The following MRTFA variants were observed in gnomAD, a reference collection of about 807,000 sequenced individuals.
MRTFA encodes myocardin-related transcription factor A.
MRTFA carries 20 observed loss-of-function variants against 83.5 expected under a neutral mutation model. The ratio of observed to expected loss-of-function variants is 0.24; its 90% CI spans 0.17 to 0.35. The LOEUF (loss-of-function observed/expected upper bound fraction) is 0.35. Among genes scored for constraint, MRTFA ranks in the 10% least tolerant of loss-of-function variants. The pLI, the probability that MRTFA is intolerant of heterozygous loss-of-function variation, is 1.00. For synonymous variants in MRTFA, 659 were observed against 541.2 expected (o/e 1.22, Z -3.02); for missense variants, 1,200 against 1,224.7 (o/e 0.98, Z 0.30).
chr22:40,591,166 G>A (rs1295511339), intron 2 of MRTFA, among the ~76,000 whole-genome samples: 1 of 151,308 alleles, frequency 6.6e-6, no homozygotes, highest in Admixed American at 6.6e-5. Context: ...AATAGCAAAT[G>A]AAGTGAACAG....
At chr22:40,551,502 G>C (rs538215397) in intron 3 of MRTFA, among the ~76,000 whole-genome samples, 1 of 152,052 alleles carries the variant, frequency 6.6e-6, no homozygotes, top group South Asian at 2.1e-4. Flanking sequence ...CCAGTAGCTG[G>C]GTCTACAAGT....
At chr22:40,439,627 T>C (rs2053237614) in intron 4 of MRTFA, among the ~76,000 whole-genome samples, 1 of 148,594 alleles carries the variant, frequency 6.7e-6, no homozygotes, top group African/African-American at 2.5e-5. Flanking sequence ...CCAGGCAACA[T>C]ACAAGAGTCA....
intron 3 of MRTFA, among the ~76,000 whole-genome samples, chr22:40,535,586 C>G (rs947671620): frequency 6.6e-6 from 1 of 152,072 alleles, no homozygotes; most frequent in Admixed American, 6.5e-5. Context: ...CTCCTAAGCT[C>G]AAGTGATCCC....
chr22:40,543,622 T>G (rs1036631632), intron 3 of MRTFA, among the ~76,000 whole-genome samples: 1 of 152,198 alleles, frequency 6.6e-6, no homozygotes, highest in Non-Finnish European at 1.5e-5. Context: ...AGGCAACATT[T>G]ACAATCTCAT....
At position 40,435,538 on chromosome 22, in the gene MRTFA, G is replaced by A. The variant is rs202073037; in HGVS notation, c.324C>T (p.Ala108=). The A allele has an allele frequency of 1.7e-4, 277 of 1,614,118 alleles. 2 individuals are homozygous for A. The highest frequency in any genetic ancestry group is 9.9e-5 in the South Asian group (9 of 91,078). The stretch of plus-strand genomic sequence containing the variant: ...AGCTCCTTCTCTGCTCATGAAATGC[G>A]GCTGGACTTTTCAAAGCTGTTGAGA... Residue 108 remains alanine (A), a synonymous_variant, in exon 5 of 15, where the codon GCC becomes GCT. Coordinates refer to ENST00000355630, the MANE Select transcript of MRTFA (RefSeq NM_020831.6).
intron 12 of MRTFA, among the ~76,000 whole-genome samples, chr22:40,417,956 G>A (rs1422671153): frequency 6.6e-6 from 1 of 152,178 alleles, no homozygotes; most frequent in African/African-American, 2.4e-5. Context: ...ACCTTGGTGG[G>A]GACAGCTAGC....
rs1387260497 is a variant in MRTFA, at chr22:40,471,232, A to C, written c.242-7946T>G. Among the ~76,000 whole-genome samples the C allele has an allele frequency of 2.1e-4, 31 of 145,744 alleles. No individual in the cohort carries two copies. The South Asian group carries it at 2.6e-3, about 12-fold the overall frequency. On this transcript the variant is annotated intron_variant, in intron 3 of 14. Transcript: ENST00000355630. ...CCCTGTTTCTATTAAAAAAAAAAAA[A>C]AAAAAAAAAAAAAAACAAGAATTAG...
chr22:40,502,132 G>A (rs2054495922), intron 3 of MRTFA, among the ~76,000 whole-genome samples: 2 of 144,030 alleles, frequency 1.4e-5, no homozygotes, highest in African/African-American at 2.6e-5. Context: ...TCACCTCCCG[G>A]ACGGGGCGGC....
chr22:40,423,734 G>A (rs1265118335), intron 8 of MRTFA, 49 bp from the exon 9 acceptor site: 7 of 1,471,618 alleles, frequency 4.8e-6, no homozygotes, highest in Non-Finnish European at 6.4e-6. Context: ...CAGGTAGGGT[G>A]TGCCCAGCCT....
chr22:40,586,252 C>A (rs897841135), intron 2 of MRTFA, among the ~76,000 whole-genome samples: 4 of 145,542 alleles, frequency 2.7e-5, no homozygotes, highest in African/African-American at 5.1e-5. Flanking sequence ...CAAACAAATA[C>A]ATCATTTGCT....
chr22:40,502,998 A>AC (rs2054521959), intron 3 of MRTFA, among the ~76,000 whole-genome samples: 1 of 151,950 alleles, frequency 6.6e-6, no homozygotes, highest in Non-Finnish European at 1.5e-5. Flanking sequence ...CTTCCCCAAT[A>AC]CACCCACACA....
At chr22:40,632,025 T>C (rs1265082064) in intron 1 of MRTFA, among the ~76,000 whole-genome samples, 1 of 152,188 alleles carries the variant, frequency 6.6e-6, no homozygotes, top group South Asian at 2.1e-4. Context: ...AACAGAATAC[T>C]GGAAAAATGA....
intron 3 of MRTFA, among the ~76,000 whole-genome samples, chr22:40,484,525 G>A (rs1211508315): frequency 6.6e-6 from 1 of 152,164 alleles, no homozygotes; most frequent in Non-Finnish European, 1.5e-5. Flanking sequence ...AACTGTAGAA[G>A]AGTTCATGTT....
In MRTFA at chr22:40,411,850, G is replaced by C; in HGVS notation, c.2636C>G (p.Pro879Arg). The C allele has an allele frequency of 6.7e-7, 1 of 1,497,604 alleles. No homozygotes were observed. Among genetic ancestry groups the C allele is most frequent in the Non-Finnish European group, 8.9e-7 (1 of 1,122,072 alleles). 92.8% of individuals were successfully genotyped at this position (1,497,604 alleles called of 1,614,324 possible). ...CAGGGGGGACCCACAGACTGTCTTC[G>C]GGGATGGCTTCTCCTTCCCTGGCAG... is the stretch of plus-strand genomic sequence containing the variant. Residue 879 changes from proline (P) to arginine (R), a missense_variant, in exon 15 of 15, where the codon CCG becomes CGG. By Grantham distance (103) the Pro-to-Arg change is moderately radical. Around this residue, in one of 2 missense-constraint regions of MRTFA, gnomAD observed 1,107 missense variants for 1,041.8 expected, o/e 1.06. Coordinates refer to ENST00000355630, the MANE Select transcript of MRTFA (RefSeq NM_020831.6).
chr22:40,436,196 T>G (rs2053166724), intron 4 of MRTFA: 1 of 154,998 alleles, frequency 6.5e-6, no homozygotes, highest in Non-Finnish European at 1.5e-5. Flanking sequence ...CCCCTTCAGC[T>G]AGGACTCCAA....
At chr22:40,567,992 T>G (rs1450227937) in intron 2 of MRTFA, among the ~76,000 whole-genome samples, 2 of 152,172 alleles carry the variant, frequency 1.3e-5, no homozygotes, top group Admixed American at 1.3e-4. Context: ...AAATAAAATA[T>G]CTTGCCATAA....
chr22:40,487,438 G>A (rs1468267010), intron 3 of MRTFA, among the ~76,000 whole-genome samples: 1 of 152,132 alleles, frequency 6.6e-6, no homozygotes, highest in Admixed American at 6.5e-5. Context: ...AAGAACTAGT[G>A]TGCCAAGCTT....
chr22:40,586,295 A>C (rs1443228107), intron 2 of MRTFA, among the ~76,000 whole-genome samples: 11 of 152,148 alleles, frequency 7.2e-5, no homozygotes, highest in Admixed American at 7.2e-4. Flanking sequence ...GAAAGAAAGA[A>C]CAGTACAAAC....
intron 5 of MRTFA, chr22:40,433,681 G>A (rs2147097971): frequency 6.6e-6 from 1 of 152,334 alleles, no homozygotes; most frequent in East Asian, 1.9e-4. Flanking sequence ...AGCTGATATT[G>A]CTGTGTCTTA....
Sources: gnomAD v4.1 joint callset for allele counts (sites outside exome capture counted in the v4.1 genomes callset) on GRCh38, gnomAD v4.1.1 for gene constraint, gnomAD v4.1.1 regional missense constraint, MANE v1.5 for transcripts, NCBI Gene and HGNC (gene_info 2026-07-23, HGNC 2026-07-21) for gene names.